The following SLC35F1 variants were observed in gnomAD, a reference collection of about 807,000 sequenced individuals.
SLC35F1 encodes chromosome 6 open reading frame 169.
A neutral mutation model predicts 48.7 loss-of-function variants in SLC35F1; 14 were observed. The observed-to-expected ratio is 0.29, with a 90% CI of 0.19 to 0.45. The LOEUF (loss-of-function observed/expected upper bound fraction) is 0.45. SLC35F1 is among the 20% of genes least tolerant of loss of function. The pLI is 1.00. For synonymous variants in SLC35F1, 190 were observed against 202.2 expected, an observed-to-expected ratio of 0.94 and a Z score of 0.51; for missense variants, 404 against 500.0, an observed-to-expected ratio of 0.81 and a Z score of 1.83.
chr6:118,017,831 A>G (rs1387426820), intron 1 of SLC35F1, among the ~76,000 whole-genome samples: 2 of 152,192 alleles, frequency 1.3e-5, no homozygotes, highest in Admixed American at 1.3e-4. Flanking sequence ...CAAATTTTAA[A>G]AAATGCATAA....
At chr6:118,223,703 C>G (rs1173278400) in intron 2 of SLC35F1, among the ~76,000 whole-genome samples, 3 of 152,218 alleles carry the variant, frequency 2.0e-5, no homozygotes, top group South Asian at 4.1e-4. Context: ...CAGCTTTCTG[C>G]TTTACCAGGC....
At chr6:117,942,939 C>T (rs1776250095) in intron 1 of SLC35F1, among the ~76,000 whole-genome samples, 1 of 152,110 alleles carries the variant, frequency 6.6e-6, no homozygotes, top group Admixed American at 6.5e-5. Flanking sequence ...TTACCCAAGC[C>T]CTGAGACAAT....
intron 4 of SLC35F1, among the ~76,000 whole-genome samples, chr6:118,269,566 A>T (rs995893232): frequency 5.9e-5 from 9 of 152,186 alleles, no homozygotes; most frequent in Non-Finnish European, 1.0e-4. Context: ...AAGAAAAAAA[A>T]ACCCACTGGT....
chr6:118,153,729 A>G (rs1774097692), intron 1 of SLC35F1, among the ~76,000 whole-genome samples: 1 of 152,244 alleles, frequency 6.6e-6, no homozygotes, highest in Admixed American at 6.5e-5. Flanking sequence ...ATAAGTTGGC[A>G]TAATTTGAAA....
chr6:118,044,608 G>A (rs142330699), intron 1 of SLC35F1, among the ~76,000 whole-genome samples: 1 of 152,090 alleles, frequency 6.6e-6, no homozygotes, highest in East Asian at 1.9e-4. Flanking sequence ...GCCTCAGAGT[G>A]GTCAGTTGCA....
chr6:118,301,741 C>T (rs1010458815), intron 7 of SLC35F1, among the ~76,000 whole-genome samples: 17 of 152,116 alleles, frequency 1.1e-4, no homozygotes, highest in Non-Finnish European at 8.8e-5. Context: ...ATATTTTAGG[C>T]TTTGCAGGCC....
rs1379867775 is a variant in SLC35F1 at position 118,285,216 on chromosome 6, T to C, written c.880T>C (p.Phe294Leu). The C allele has an allele frequency of 1.2e-5, 19 of 1,613,798 alleles. No homozygotes were observed. The highest frequency in any genetic ancestry group is 1.5e-5 in the Non-Finnish European group (18 of 1,179,870). ...CTACGTTGGCTTTAGTGCCTGCATG[T>C]TTGGTCTCTACAGCTTTATGCCAGT... is the stretch of plus-strand genomic sequence containing the variant. Reference protein sequence around the residue: ...LLYVGFSACMFGLYSFMPVVI... With the variant: ...LLYVGFSACMLGLYSFMPVVI... The change falls in exon 7 of 8, where the codon TTT (phenylalanine) becomes CTT (leucine). Residue 294 changes from phenylalanine (F) to leucine (L), a missense_variant. Coordinates refer to ENST00000360388, the MANE Select transcript of SLC35F1 (RefSeq NM_001029858.4).
chr6:117,951,310 A>G (rs1331391593), intron 1 of SLC35F1, among the ~76,000 whole-genome samples: 1 of 152,244 alleles, frequency 6.6e-6, no homozygotes, highest in Non-Finnish European at 1.5e-5. Context: ...TAGAAGGAGT[A>G]AAGAGTTTTC....
chr6:117,953,291 T>C (rs1776385904), intron 1 of SLC35F1, among the ~76,000 whole-genome samples: 1 of 152,234 alleles, frequency 6.6e-6, no homozygotes. Context: ...TACTTTCTTG[T>C]GGTTATATGT....
At chr6:118,246,623 C>G (rs1420462094) in intron 3 of SLC35F1, among the ~76,000 whole-genome samples, 1 of 152,082 alleles carries the variant, frequency 6.6e-6, no homozygotes, top group African/African-American at 2.4e-5. Flanking sequence ...ATTTTCAGCT[C>G]CAATGGTGCA....
chr6:117,938,916 G>A (rs1776193677), intron 1 of SLC35F1, among the ~76,000 whole-genome samples: 1 of 149,890 alleles, frequency 6.7e-6, no homozygotes, highest in Admixed American at 6.7e-5. Context: ...TTGTTTTACA[G>A]GCAGTCCCCT....
intron 7 of SLC35F1, among the ~76,000 whole-genome samples, chr6:118,295,578 T>C (rs1203629299): frequency 6.6e-6 from 1 of 152,194 alleles, no homozygotes; most frequent in Admixed American, 6.5e-5. Context: ...CTCAGTAATG[T>C]CACTGCACTT....
intron 3 of SLC35F1, among the ~76,000 whole-genome samples, chr6:118,260,338 C>T (rs1775696500): frequency 6.6e-6 from 1 of 152,070 alleles, no homozygotes; most frequent in Admixed American, 6.6e-5. Flanking sequence ...CTAAAAACCA[C>T]TAATTGCATA....
intron 1 of SLC35F1, among the ~76,000 whole-genome samples, chr6:118,147,035 T>G (rs9385036): frequency 0.23 from 34,871 of 152,010 alleles, 4,457 homozygotes; most frequent in East Asian, 0.39. Context: ...TCTACTTTAT[T>G]AAGGCATACA....
At position 118,175,017 on chromosome 6, in the gene SLC35F1, G is replaced by C. The variant is rs145241175; in HGVS notation, c.349+20397G>C. On this transcript the variant is annotated intron_variant, in intron 2 of 7. Coordinates refer to ENST00000360388, the MANE Select transcript of SLC35F1 (RefSeq NM_001029858.4). ...AGCCAAGATTGGAACCAGAGCTATA[G>C]AAGTCGGAAGATTGCTTTCAGCCAC... 8.2e-3 allele frequency among the ~76,000 whole-genome samples: 1,241 copies of C among 152,152 alleles called. 8 individuals are homozygous for C. Among genetic ancestry groups the C allele is most frequent in the Non-Finnish European group, 0.012 (819 of 67,976 alleles).
intron 1 of SLC35F1, among the ~76,000 whole-genome samples, chr6:118,128,930 T>C (rs1206836511): frequency 6.6e-6 from 1 of 152,188 alleles, no homozygotes; most frequent in Non-Finnish European, 1.5e-5. Context: ...ACTTTGGCTA[T>C]TTCATGAAAA....
chr6:118,197,150 G>A (rs1255852334), intron 2 of SLC35F1, among the ~76,000 whole-genome samples: 1 of 152,006 alleles, frequency 6.6e-6, no homozygotes, highest in Non-Finnish European at 1.5e-5. Flanking sequence ...AATTCTAAGT[G>A]TATCTTAGTT....
intron 1 of SLC35F1, among the ~76,000 whole-genome samples, chr6:117,923,260 A>C (rs1247252908): frequency 2.6e-5 from 4 of 152,026 alleles, no homozygotes; most frequent in African/African-American, 9.7e-5. Context: ...CCTCAGAATA[A>C]AACTACAGCC....
chr6:118,070,844 A>G (rs1352198222), intron 1 of SLC35F1, among the ~76,000 whole-genome samples: 1 of 143,042 alleles, frequency 7.0e-6, no homozygotes, highest in Non-Finnish European at 1.5e-5. Flanking sequence ...TATTCTATGT[A>G]TATATATACA....
Sources: gnomAD v4.1 joint callset for allele counts (sites outside exome capture counted in the v4.1 genomes callset) on GRCh38, gnomAD v4.1.1 for gene constraint, MANE v1.5 for transcripts, NCBI Gene and HGNC (gene_info 2026-07-23, HGNC 2026-07-21) for gene names.